SSBP3: variants seen among roughly 807,000 people sequenced by gnomAD.
SSBP3 encodes the protein single stranded DNA binding protein 3, also known as single-stranded DNA-binding protein 3.
Under a neutral mutation model 69.6 loss-of-function variants are expected in SSBP3, and 5 were observed. The observed-to-expected ratio is 0.07, with a 90% CI of 0.04 to 0.15. The LOEUF (loss-of-function observed/expected upper bound fraction) is 0.15, where lower values mean the gene tolerates loss of function less well. Among genes scored for constraint, SSBP3 ranks in the 10% least tolerant of loss-of-function variants. SSBP3 has a pLI of 1.00. For synonymous variants in SSBP3, 196 were observed against 193.4 expected (o/e 1.01, Z -0.11); for missense variants, 312 against 534.0 (o/e 0.58, Z 4.10).
At position 54,355,320 on chromosome 1, in the gene SSBP3, A is replaced by T. The variant is rs527391615; in HGVS notation, c.276+46541T>A. Among the ~76,000 whole-genome samples the T allele has an allele frequency of 2.6e-5, 4 of 152,272 alleles. No homozygotes were observed. In the South Asian group the frequency reaches 8.3e-4, roughly 32 times the overall value. On this transcript the variant is annotated intron_variant, in intron 4 of 17. Coordinates refer to ENST00000610401, the Ensembl canonical transcript of SSBP3. ...TACAAGAGGAGGGCACCAACCACAG[A>T]CATTACAGGGAGATCTCCCCCAAAT... is the stretch of plus-strand genomic sequence containing the variant.
At chr1:54,382,025 C>T (rs913186504) in intron 4 of SSBP3, among the ~76,000 whole-genome samples, 3 of 152,146 alleles carry the variant, frequency 2.0e-5, no homozygotes, top group East Asian at 3.9e-4. Context: ...GAAACCCCAT[C>T]GCTACTAAAA....
Position 54,233,751 on chromosome 1 carries a change from C to T in SSBP3, c.928-4925G>A, listed in dbSNP as rs1305730025. Among the ~76,000 whole-genome samples, 98 of 133,974 alleles carry T rather than the reference C, an allele frequency of 7.3e-4. 1 individual carries two copies. Among genetic ancestry groups the T allele is most frequent in the South Asian group, 1.6e-3 (6 of 3,752 alleles). 87.9% of individuals were successfully genotyped at this position (133,974 alleles called of 152,430 possible). On this transcript the variant is annotated intron_variant, in intron 14 of 17. Transcript: ENST00000610401. ...CCCCCGCCCAGCCAGCTGCCCCGTC[C>T]GGGAGGGAGGTGGGGGGGTCAGCCC...
intron 4 of SSBP3, among the ~76,000 whole-genome samples, chr1:54,339,559 A>G (rs1480648699): frequency 2.0e-5 from 3 of 151,942 alleles, no homozygotes; most frequent in African/African-American, 7.3e-5. Flanking sequence ...CCTAGCACAT[A>G]GTAACCACTA....
chr1:54,241,653 G>T, intron 11 of SSBP3, 144 bp from the exon 12 acceptor site: 1 of 821,186 alleles, frequency 1.2e-6, no homozygotes, highest in Non-Finnish European at 2.0e-6. Context: ...CCCTGGGAGG[G>T]CTGGGACGTG....
intron 4 of SSBP3, among the ~76,000 whole-genome samples, chr1:54,385,552 G>A (rs1017646641): frequency 1.3e-5 from 2 of 152,022 alleles, no homozygotes; most frequent in Non-Finnish European, 2.9e-5. Flanking sequence ...GAGTCTGAAG[G>A]AGGAATTCCA....
At chr1:54,363,733 TC>T (rs1646985379) in intron 4 of SSBP3, among the ~76,000 whole-genome samples, 1 of 152,242 alleles carries the variant, frequency 6.6e-6, no homozygotes, top group African/African-American at 2.4e-5. Flanking sequence ...TTATTTTCTT[TC>T]CACCATAAAG....
At chr1:54,233,554 C>T (rs546025233) in intron 14 of SSBP3, among the ~76,000 whole-genome samples, 1,906 of 141,016 alleles carry the variant, frequency 0.014, 41 homozygotes, top group African/African-American at 0.047. Flanking sequence ...GTAAGCCCCC[C>T]GCCCGGCCAG....
In SSBP3 at chr1:54,325,425, C is replaced by T. The variant is rs1646284509; in HGVS notation, c.277-43898G>A. ...AGCTCTTCTGGATCTACAGACGTGG[C>T]TGAATGAATGAAGACAGGAGTGGAA... is the stretch of plus-strand genomic sequence containing the variant. On this transcript the variant is annotated intron_variant, in intron 4 of 17. Coordinates refer to ENST00000610401, the Ensembl canonical transcript of SSBP3. The T allele has an allele frequency of 1.8e-5, 3 of 167,278 alleles. No individual in the cohort carries two copies. In the South Asian group the frequency reaches 6.2e-4, roughly 35 times the overall value. The allele number at this position is 167,278 out of a possible 1,614,324, so 10.4% of individuals were successfully genotyped here.
At chr1:54,234,875 C>G (rs991319906) in intron 14 of SSBP3, among the ~76,000 whole-genome samples, 1 of 152,000 alleles carries the variant, frequency 6.6e-6, no homozygotes, top group African/African-American at 2.4e-5. Context: ...ACAATCCTCC[C>G]GCTTCAGCCT....
chr1:54,392,998 G>A (rs971853948), intron 4 of SSBP3, among the ~76,000 whole-genome samples: 2 of 152,198 alleles, frequency 1.3e-5, no homozygotes, highest in African/African-American at 2.4e-5. Context: ...TGGCTCTACA[G>A]AAGAATAATT....
intron 4 of SSBP3, among the ~76,000 whole-genome samples, chr1:54,350,087 C>G (rs1028392745): frequency 1.1e-4 from 17 of 152,106 alleles, no homozygotes; most frequent in African/African-American, 3.9e-4. Flanking sequence ...CTATGAAAAC[C>G]CACCAAGATA....
upstream of SSBP3, among the ~76,000 whole-genome samples, chr1:54,411,166 A>G (rs1649980188): frequency 6.6e-6 from 1 of 151,982 alleles, no homozygotes; most frequent in South Asian, 2.1e-4. Flanking sequence ...TTTTTTTCCT[A>G]CCTATTTCCT....
At chr1:54,366,265 C>A (rs1294854256) in intron 4 of SSBP3, among the ~76,000 whole-genome samples, 2 of 152,164 alleles carry the variant, frequency 1.3e-5, no homozygotes, top group Non-Finnish European at 2.9e-5. Flanking sequence ...ACTAACTATA[C>A]CCATTCCTGC....
At chr1:54,277,658 T>C (rs771126879) in intron 5 of SSBP3, among the ~76,000 whole-genome samples, 2 of 152,180 alleles carry the variant, frequency 1.3e-5, no homozygotes, top group Non-Finnish European at 2.9e-5. Context: ...AAAACAACTA[T>C]TGGAATTTAA....
At chr1:54,325,862 C>T (rs1162787346) in intron 4 of SSBP3, among the ~76,000 whole-genome samples, 1 of 152,130 alleles carries the variant, frequency 6.6e-6, no homozygotes, top group East Asian at 1.9e-4. Flanking sequence ...CTCTTATCTG[C>T]GGACTTAACA....
chr1:54,321,613 G>A (rs1328523806), intron 4 of SSBP3, among the ~76,000 whole-genome samples: 1 of 152,238 alleles, frequency 6.6e-6, no homozygotes, highest in Non-Finnish European at 1.5e-5. Context: ...TGGAAAACTG[G>A]GAAATCGATA....
intron 14 of SSBP3, among the ~76,000 whole-genome samples, chr1:54,236,223 C>T (rs1644490020): frequency 1.3e-5 from 2 of 152,054 alleles, no homozygotes; most frequent in Non-Finnish European, 2.9e-5. Flanking sequence ...TCAAGCGATT[C>T]TCCTGCCTCA....
chr1:54,378,663 C>A (rs1308297899), intron 4 of SSBP3, among the ~76,000 whole-genome samples: 1 of 152,198 alleles, frequency 6.6e-6, no homozygotes. Flanking sequence ...AAGGCGCTGA[C>A]AGCCAGGCCT....
At chr1:54,232,154 C>T (rs945875224) in intron 14 of SSBP3, among the ~76,000 whole-genome samples, 7 of 152,166 alleles carry the variant, frequency 4.6e-5, no homozygotes, top group African/African-American at 1.7e-4. Flanking sequence ...GAACTGTTAA[C>T]AGCGGCAATT....
Sources: gnomAD v4.1 joint callset for allele counts (sites outside exome capture counted in the v4.1 genomes callset) on GRCh38, gnomAD v4.1.1 for gene constraint, MANE v1.5 for transcripts, NCBI Gene and HGNC (gene_info 2026-07-23, HGNC 2026-07-21) for gene names.